The following ASTE1 variants were observed in gnomAD, a reference collection of about 807,000 sequenced individuals.
ASTE1 encodes the protein asteroid structure-specific endonuclease 1.
ASTE1 carries 49 observed loss-of-function variants against 45.8 expected under a neutral mutation model. That is an observed-to-expected ratio of 1.07 (90% confidence interval 0.85 to 1.36). ASTE1 has a LOEUF of 1.36. Among genes scored for constraint, ASTE1 ranks in the 40% most tolerant of loss-of-function variants. The probability of loss-of-function intolerance (pLI) is 0.00; values close to 1 mark genes in which losing one functional copy is unlikely to be tolerated. For missense variants in ASTE1, 709 were observed against 804.0 expected (o/e 0.88, Z 1.43); for synonymous variants, 296 against 303.9 (o/e 0.97, Z 0.27).
chr3:131,015,212 G>A (rs1021336716), intron 5 of ASTE1: 3 of 702,162 alleles, frequency 4.3e-6, no homozygotes, highest in African/African-American at 1.7e-5. Flanking sequence ...ACCATATTTT[G>A]TATGCGTCCA....
rs1016303106 is a variant in ASTE1 at position 131,014,360 on chromosome 3, T to A, written c.1737A>T (p.Gly579=). 3.7e-6 allele frequency: 6 copies of A among 1,607,524 alleles called. No individual in the cohort carries two copies. The highest frequency in any genetic ancestry group is 5.1e-6 in the Non-Finnish European group (6 of 1,177,810). The part of the protein sequence containing the change: ...TRLYSGSLVH[G]LCQQLLASTS... ...TCGATGCTAGCAGTTGCTGGCATAG[T>A]CCGTGCACCAGGCTTCCACTGTACA... Residue 579 remains glycine (G), a synonymous_variant, in exon 6 of 6, where the codon GGA becomes GGT. Transcript: ENST00000264992.
chr3:131,025,476 A>G lies in ASTE1; in HGVS notation c.-28T>C, dbSNP rs1272224624. 2 of 1,100,638 alleles carry G rather than the reference A, an allele frequency of 1.8e-6. No homozygotes were observed. Among genetic ancestry groups the G allele is most frequent in the South Asian group, 2.1e-5 (1 of 47,956 alleles). The allele number at this position is 1,100,638 out of a possible 1,614,324, so 68.2% of individuals were successfully genotyped here. ...ATATCAACATCATAAATTCTTACCT[A>G]GATCCTCAAGCAATGTTAGCTGTGC... On this transcript the variant is annotated splice_region_variant and 5_prime_UTR_variant, in exon 2 of 6. Coordinates refer to ENST00000264992, the MANE Select transcript of ASTE1 (RefSeq NM_014065.4).
At chr3:131,015,732 T>A (rs568869867) in intron 5 of ASTE1, among the ~76,000 whole-genome samples, 1 of 151,200 alleles carries the variant, frequency 6.6e-6, no homozygotes, top group African/African-American at 2.4e-5. Context: ...TAAAAAAAAA[T>A]AGAGTAACAG....
chr3:131,019,706 A>G (rs2063716898), intron 3 of ASTE1, among the ~76,000 whole-genome samples: 1 of 152,242 alleles, frequency 6.6e-6, no homozygotes, highest in Non-Finnish European at 1.5e-5. Context: ...AGATGGTAAT[A>G]ACATTTCTCA....
chr3:131,017,000 C>G, intron 4 of ASTE1: 2 of 1,289,368 alleles, frequency 1.6e-6, no homozygotes, highest in Non-Finnish European at 2.0e-6. Context: ...CTTTTACCAA[C>G]TAGCGAGGAG....
intron 5 of ASTE1, chr3:131,015,847 A>G (rs1265501842): frequency 1.9e-5 from 9 of 472,480 alleles, no homozygotes; most frequent in Non-Finnish European, 2.7e-5. Flanking sequence ...AGAGAGTTGT[A>G]TCCTACCAAT....
Position 131,014,131 on chromosome 3 carries a change from C to A in ASTE1, c.1966G>T (p.Glu656Ter). The A allele has an allele frequency of 6.2e-7, 1 of 1,612,986 alleles. No individual in the cohort carries two copies. The highest frequency in any genetic ancestry group is 8.5e-7 in the Non-Finnish European group (1 of 1,179,798). ...AACAACCCAAACCGGTTGTTTCCCTCATACCAACACTTGGTGTGTGCAGTG... is the reference window on the plus strand; with the variant it reads ...AACAACCCAAACCGGTTGTTTCCCTAATACCAACACTTGGTGTGTGCAGTG... ...RTTAHTKCWYEGNNRFGLLMV... is the reference protein window; with the variant it reads ...RTTAHTKCWY Residue 656 changes from glutamate to a stop codon, truncating the protein, a stop_gained, in exon 6 of 6, where the codon GAG becomes TAG. Transcript: ENST00000264992. LOFTEE classifies it low-confidence loss of function (END_TRUNC).
chr3:131,017,179 G>A (rs925098713), intron 4 of ASTE1: 1 of 552,756 alleles, frequency 1.8e-6, no homozygotes, highest in Non-Finnish European at 2.7e-6. Flanking sequence ...CTCTAAACCT[G>A]TGTTCATAAA....
Position 131,014,099 on chromosome 3 carries a change from A to G in ASTE1, c.1998T>C (p.Val666=). 1 of 1,603,228 alleles carries G rather than the reference A, an allele frequency of 6.2e-7. No homozygotes were observed. The highest frequency in any genetic ancestry group is 8.5e-7 in the Non-Finnish European group (1 of 1,177,278). ...CCTCACTATGTTCCTCTAAGTTTTCAACCATTAACAACCCAAACCGGTTGT... is the reference window on the plus strand; with the variant it reads ...CCTCACTATGTTCCTCTAAGTTTTCGACCATTAACAACCCAAACCGGTTGT... ...EGNNRFGLLM[V]ENLEEHSEAS... is the part of the protein sequence containing the mutation. The change falls in exon 6 of 6, where the codon GTT becomes GTC. Residue 666 remains valine, a synonymous_variant. Coordinates refer to ENST00000264992, the MANE Select transcript of ASTE1 (RefSeq NM_014065.4).
At chr3:131,018,804 C>T in intron 3 of ASTE1, 88 bp from the exon 4 acceptor site, 1 of 1,285,076 alleles carries the variant, frequency 7.8e-7, no homozygotes, top group Non-Finnish European at 1.1e-6. Context: ...AGATTTAATG[C>T]TACTGAAACT....
In ASTE1 at chr3:131,024,480, A is replaced by G; in HGVS notation, c.827T>C (p.Val276Ala). ...FANPTEALDN[V>A]LKYLPKKDRE... is the part of the protein sequence containing the mutation. ...ATCCTTTTTTGGGAGGTATTTCAGA[A>G]CATTATCTAGTGCTTCGGTAGGGTT... is the stretch of plus-strand genomic sequence containing the variant. Residue 276 changes from valine to alanine, a missense_variant, in exon 3 of 6, where the codon GTT becomes GCT. Val to Ala is a moderately conservative substitution (Grantham distance 64, BLOSUM62 0). Coordinates refer to ENST00000264992, the MANE Select transcript of ASTE1 (RefSeq NM_014065.4). 6.2e-7 allele frequency: 1 copy of G among 1,614,152 alleles called. No homozygotes were observed. Among genetic ancestry groups the G allele is most frequent in the East Asian group, 2.2e-5 (1 of 44,874 alleles).
chr3:131,023,922 A>C, intron 3 of ASTE1, 83 bp downstream of exon 3: 1 of 1,364,154 alleles, frequency 7.3e-7, no homozygotes, highest in Non-Finnish European at 9.9e-7. Flanking sequence ...AGTTTGTTAT[A>C]GTAAGTGAAC....
In ASTE1 at chr3:131,014,183, G is replaced by C; in HGVS notation, c.1914C>G (p.Thr638=). 1 of 1,613,190 alleles carries C rather than the reference G, an allele frequency of 6.2e-7. No individual in the cohort carries two copies. Among genetic ancestry groups the C allele is most frequent in the Non-Finnish European group, 8.5e-7 (1 of 1,179,832 alleles). ...TTCTCCCTCTGTTCTTAGAACAGCT[G>C]GTATTCTGTTTCTTCTGCCTTTTTT... ...SKKKRQKKQN[T]SCSKNRGRTT... Residue 638 remains threonine (T), a synonymous_variant, in exon 6 of 6, where the codon ACC becomes ACG. Coordinates refer to ENST00000264992, the MANE Select transcript of ASTE1 (RefSeq NM_014065.4).
chr3:131,020,388 G>A (rs1186035552), intron 3 of ASTE1, among the ~76,000 whole-genome samples: 4 of 152,164 alleles, frequency 2.6e-5, no homozygotes, highest in East Asian at 1.9e-4. Context: ...CAGCTGCCCC[G>A]AGAGGCAGAG....
chr3:131,024,818 A>G lies in ASTE1; in HGVS notation c.489T>C (p.Phe163=). Residue 163 remains phenylalanine (F), a synonymous_variant, in exon 3 of 6, where the codon TTT becomes TTC. Transcript: ENST00000264992. ...NCPVLSSDSD[F]CIFDLKTGFC... is the part of the protein sequence containing the mutation. ...ACCCAGTTTTCAGGTCAAAAATGCAAAAGTCACTATCTGATGATAACACAG... is the reference window on the plus strand; with the variant it reads ...ACCCAGTTTTCAGGTCAAAAATGCAGAAGTCACTATCTGATGATAACACAG... 6.2e-7 allele frequency: 1 copy of G among 1,614,200 alleles called. No individual in the cohort carries two copies. The highest frequency in any genetic ancestry group is 1.1e-5 in the South Asian group (1 of 91,090).
Position 131,014,297 on chromosome 3 carries a change from A to G in ASTE1, c.1800T>C (p.Ala600=). Residue 600 remains alanine, a synonymous_variant, in exon 6 of 6, where the codon GCT becomes GCC. Transcript: ENST00000264992. ...VESLLSICPE[A]KQLYEYLFNA... ...TGAATAGATATTCATAAAGTTGCTTAGCCTCAGGACATATGCTCAGGAGAC... is the reference window on the plus strand; with the variant it reads ...TGAATAGATATTCATAAAGTTGCTTGGCCTCAGGACATATGCTCAGGAGAC... 6.2e-7 allele frequency: 1 copy of G among 1,614,026 alleles called. No individual in the cohort carries two copies. The highest frequency in any genetic ancestry group is 1.3e-5 in the African/African-American group (1 of 74,996).
chr3:131,015,547 T>C (rs1460352293), intron 5 of ASTE1, among the ~76,000 whole-genome samples: 1 of 152,196 alleles, frequency 6.6e-6, no homozygotes, highest in Non-Finnish European at 1.5e-5. Context: ...CCTTCTTGCC[T>C]GGTAAAGCAA....
chr3:131,019,473 A>G (rs957442287), intron 3 of ASTE1, among the ~76,000 whole-genome samples: 1 of 152,228 alleles, frequency 6.6e-6, no homozygotes, highest in Non-Finnish European at 1.5e-5. Flanking sequence ...CTCAGAAGTA[A>G]AACAGCTATA....
At chr3:131,018,769 T>A in intron 3 of ASTE1, 53 bp from the exon 4 acceptor site, 1 of 1,566,398 alleles carries the variant, frequency 6.4e-7, no homozygotes, top group Non-Finnish European at 8.7e-7. Context: ...TGTCTGTTAT[T>A]TCTTTTTTCC....
Sources: gnomAD v4.1 joint callset for allele counts (sites outside exome capture counted in the v4.1 genomes callset) on GRCh38, gnomAD v4.1.1 for gene constraint, MANE v1.5 for transcripts, NCBI Gene and HGNC (gene_info 2026-07-23, HGNC 2026-07-21) for gene names.